The following KLRG1 variants were observed in gnomAD, a reference collection of about 807,000 sequenced individuals.
The protein encoded by KLRG1 is killer cell lectin-like receptor subfamily G member 1.
A neutral mutation model predicts 21.8 loss-of-function variants in KLRG1; 16 were observed. The ratio of observed to expected loss-of-function variants is 0.73; its 90% CI spans 0.50 to 1.11. KLRG1 has a LOEUF of 1.11. Among genes scored for constraint, KLRG1 ranks in the 50% most tolerant of loss-of-function variants. The pLI, the probability that KLRG1 is intolerant of heterozygous loss-of-function variation, is 0.00. For missense variants in KLRG1, 173 were observed against 218.3 expected, an observed-to-expected ratio of 0.79 and a Z score of 1.31; for synonymous variants, 69 against 75.9, an observed-to-expected ratio of 0.91 and a Z score of 0.47.
intron 1 of KLRG1, 89 bp from the exon 2 acceptor site, chr12:8,992,117 G>T: frequency 9.4e-7 from 1 of 1,063,844 alleles, no homozygotes; most frequent in Non-Finnish European, 1.4e-6. Context: ...AGGCCAAATT[G>T]CTTTAAGATG....
Position 9,003,686 on chromosome 12 carries a change from GT to G in KLRG1, c.358-5279del, listed in dbSNP as rs71045234. Among the ~76,000 whole-genome samples the G allele has an allele frequency of 2.4e-4, 35 of 148,188 alleles. No individual in the cohort carries two copies. The East Asian group carries it at 5.1e-3, about 22-fold the overall frequency. On this transcript the variant is annotated intron_variant, in intron 3 of 4. Coordinates refer to ENST00000356986, the MANE Select transcript of KLRG1 (RefSeq NM_005810.4). ...AAAATACAGAGTTTGTGTTCAGAGG[GT>G]TTTTTTTTTCTTTTTCTTTTTTATT...
chr12:9,061,539 C>T, the KLRG1 span, among the ~76,000 whole-genome samples: 44 of 152,238 alleles, frequency 2.9e-4, 1 homozygote, highest in Admixed American at 2.5e-3. Context: ...AATGGTCAGT[C>T]GTGGTGACTC....
chr12:9,093,916 CAACA>C, the KLRG1 span, among the ~76,000 whole-genome samples: 82 of 147,686 alleles, frequency 5.6e-4, no homozygotes, highest in Middle Eastern at 3.5e-3. Flanking sequence ...AACAAACAAA[CAACA>C]AAAAAAAACA....
At chr12:9,195,258 A>G in the KLRG1 span, among the ~76,000 whole-genome samples, 3 of 152,184 alleles carry the variant, frequency 2.0e-5, no homozygotes, top group Non-Finnish European at 4.4e-5. Context: ...ATAAAAATAC[A>G]TTAGAAGATA....
At chr12:9,027,926 G>T in the KLRG1 span, 3 of 880,412 alleles carry the variant, frequency 3.4e-6, no homozygotes, top group Non-Finnish European at 1.9e-6. Context: ...TAGATGAAGC[G>T]CTAGCTCTCT....
At chr12:9,159,973 A>G in the KLRG1 span, 7 of 1,613,798 alleles carry the variant, frequency 4.3e-6, no homozygotes, top group East Asian at 1.3e-4. Context: ...ATCGTTCCCC[A>G]AAGGTGCTGT....
the KLRG1 span, chr12:9,200,470 A>G: frequency 1.3e-6 from 2 of 1,540,240 alleles, no homozygotes; most frequent in South Asian, 1.2e-5. Flanking sequence ...GATAATAGGA[A>G]TAAGGAAGGT....
intron 1 of KLRG1, among the ~76,000 whole-genome samples, chr12:8,968,702 T>C (rs1946519948): frequency 6.6e-6 from 1 of 152,224 alleles, no homozygotes; most frequent in Admixed American, 6.5e-5. Context: ...ATAGCACATA[T>C]TCTGGCCATA....
intron 1 of KLRG1, among the ~76,000 whole-genome samples, chr12:8,983,581 A>G (rs2137298533): frequency 6.6e-6 from 1 of 151,854 alleles, no homozygotes; most frequent in African/African-American, 2.4e-5. Flanking sequence ...TTGTATTTTT[A>G]GTAGAGACGG....
intron 1 of KLRG1, among the ~76,000 whole-genome samples, chr12:8,973,729 T>C (rs1007952248): frequency 2.0e-5 from 3 of 152,236 alleles, no homozygotes; most frequent in African/African-American, 7.2e-5. Flanking sequence ...ATTTCCTTCA[T>C]TAATGTTTTA....
chr12:9,118,875 A>G, the KLRG1 span, among the ~76,000 whole-genome samples: 1 of 152,222 alleles, frequency 6.6e-6, no homozygotes, highest in Non-Finnish European at 1.5e-5. Context: ...AGCTGATGCC[A>G]TGGAAATGGA....
chr12:8,988,952 C>T (rs1946892621), upstream of KLRG1, among the ~76,000 whole-genome samples: 1 of 152,052 alleles, frequency 6.6e-6, no homozygotes. Context: ...TATTTGTTTA[C>T]TTTGCTCTTC....
At chr12:9,111,590 G>A in the KLRG1 span, 1 of 453,692 alleles carries the variant, frequency 2.2e-6, no homozygotes, top group Non-Finnish European at 4.4e-6. Flanking sequence ...ACAAGAACTA[G>A]GCCATAATCT....
the KLRG1 span, among the ~76,000 whole-genome samples, chr12:9,026,768 A>G: frequency 6.6e-6 from 1 of 151,990 alleles, no homozygotes; most frequent in South Asian, 2.1e-4. Flanking sequence ...TATGTGTTGC[A>G]AATATTTTAT....
the KLRG1 span, among the ~76,000 whole-genome samples, chr12:9,100,451 TTTAC>T: frequency 1.3e-5 from 2 of 152,022 alleles, no homozygotes; most frequent in Non-Finnish European, 2.9e-5. Flanking sequence ...TATTTATTTA[TTTAC>T]TTTTATAGAG....
the KLRG1 span, chr12:9,168,820 G>A: frequency 7.2e-7 from 1 of 1,396,046 alleles, no homozygotes; most frequent in South Asian, 1.2e-5. Flanking sequence ...TTTGGGCATA[G>A]TAATATTGTT....
chr12:8,952,241 A>G (rs978202212), intron 1 of KLRG1, among the ~76,000 whole-genome samples: 3 of 152,226 alleles, frequency 2.0e-5, no homozygotes, highest in African/African-American at 4.8e-5. Flanking sequence ...TCTGAAATCA[A>G]ATGGGAAGGA....
chr12:9,137,604 A>T, the KLRG1 span, among the ~76,000 whole-genome samples: 1 of 151,936 alleles, frequency 6.6e-6, no homozygotes. Context: ...GAATCTATAG[A>T]TTGCTTTTGA....
intron 1 of KLRG1, among the ~76,000 whole-genome samples, chr12:8,957,696 C>T (rs1946318377): frequency 6.6e-6 from 1 of 152,148 alleles, no homozygotes; most frequent in South Asian, 2.1e-4. Flanking sequence ...CACTGCAGTA[C>T]TGTGGCAGTC....
Sources: gnomAD v4.1 joint callset for allele counts (sites outside exome capture counted in the v4.1 genomes callset) on GRCh38, gnomAD v4.1.1 for gene constraint, MANE v1.5 for transcripts, NCBI Gene and HGNC (gene_info 2026-07-23, HGNC 2026-07-21) for gene names.